Variants in HJURP observed in about 807,000 individuals in gnomAD.
HJURP encodes the protein Holliday junction recognition protein, also known as 14-3-3-associated AKT substrate.
In HJURP, 49 loss-of-function variants were observed where a neutral mutation model predicts 72.0. The observed-to-expected ratio is 0.68, with a 90% CI of 0.54 to 0.86. The LOEUF (loss-of-function observed/expected upper bound fraction) is 0.86. Ranked by LOEUF, HJURP falls within the 40% of genes least tolerant of loss-of-function variation. HJURP has a pLI of 0.00. For missense variants in HJURP, 908 were observed against 936.3 expected (o/e 0.97, Z 0.39); for synonymous variants, 357 against 347.1 (o/e 1.03, Z -0.32).
chr2:233,845,645 C>T (rs1029481015), intron 6 of HJURP, 83 bp downstream of exon 6: 54 of 887,256 alleles, frequency 6.1e-5, no homozygotes, highest in Non-Finnish European at 9.4e-5. Flanking sequence ...GTAGAAAAAA[C>T]AAAAAGCATA....
chr2:233,852,489 G>T, intron 3 of HJURP, 76 bp downstream of exon 3: 1 of 1,066,958 alleles, frequency 9.4e-7, no homozygotes, highest in Non-Finnish European at 1.5e-6. Context: ...CAGAGGTTGG[G>T]CATACCCACA....
In HJURP at chr2:233,841,408, G is replaced by A. The variant is rs1705224594; in HGVS notation, c.1372C>T (p.Leu458Phe). The A allele has an allele frequency of 6.2e-7, 1 of 1,614,052 alleles. No homozygotes were observed. The change falls in exon 8 of 9, where the codon CTC (leucine) becomes TTC (phenylalanine). Residue 458 changes from leucine (L) to phenylalanine (F), a missense_variant. Coordinates refer to ENST00000411486, the MANE Select transcript of HJURP (RefSeq NM_018410.5). ...SPRNQPRRMCLPDSWAMNMYR... is the reference protein window; with the variant it reads ...SPRNQPRRMCFPDSWAMNMYR... ...ATGTTCATGGCCCAGGAGTCCGGGA[G>A]GCACATCCGGCGAGGCTGGTTCCTG...
chr2:233,852,719 A>G (rs571979618), intron 2 of HJURP, 99 bp from the exon 3 acceptor site: 1 of 847,660 alleles, frequency 1.2e-6, no homozygotes, highest in Admixed American at 2.2e-5. Context: ...GGCAAAAAAA[A>G]GGTACAATAT....
At position 233,852,549 on chromosome 2, in the gene HJURP, AT is replaced by A. The variant is rs775120632; in HGVS notation, c.240+15del. On this transcript the variant is annotated intron_variant, in intron 3 of 8. Coordinates refer to ENST00000411486, the MANE Select transcript of HJURP (RefSeq NM_018410.5). The stretch of plus-strand genomic sequence containing the variant: ...CACAGCAAGGTTATTTGGCAATAAA[AT>A]TTGACACTAAATACCTGGATCTCTC... The A allele has an allele frequency of 2.5e-6, 4 of 1,570,042 alleles. No homozygotes were observed. The highest frequency in any genetic ancestry group is 3.5e-6 in the Non-Finnish European group (4 of 1,139,354).
In HJURP at chr2:233,837,578, T is replaced by C. The variant is rs775379336; in HGVS notation, c.2246A>G (p.Ter749TrpextTer25). ...MLEKLETKSV* is the reference protein window; with the variant it reads ...MLEKLETKSVW ...AAATAACACTCCGAAATAACCTAGC[T>C]ACACACTTTTAGTTTCCAATTTTTC... is the stretch of plus-strand genomic sequence containing the variant. Residue 749 changes from the stop codon to tryptophan, a stop_lost, in exon 9 of 9, where the codon TAG becomes TGG. Coordinates refer to ENST00000411486, the MANE Select transcript of HJURP (RefSeq NM_018410.5). 30 of 1,597,278 alleles carry C rather than the reference T, an allele frequency of 1.9e-5. No homozygotes were observed. The highest frequency in any genetic ancestry group is 1.8e-5 in the Non-Finnish European group (21 of 1,165,498).
At position 233,854,429 on chromosome 2, in the gene HJURP, G is replaced by A. The variant is rs776299104; in HGVS notation, c.72C>T (p.Ala24=). 1.9e-6 allele frequency: 3 copies of A among 1,611,288 alleles called. No individual in the cohort carries two copies. In the East Asian group the frequency reaches 6.7e-5, roughly 36 times the overall value. Residue 24 remains alanine, a synonymous_variant, in exon 1 of 9, where the codon GCC becomes GCT. Coordinates refer to ENST00000411486, the MANE Select transcript of HJURP (RefSeq NM_018410.5). Reference sequence around the variant, plus strand: ...TGCGCCTCTGGAAGCGGCGGCGACTGGCCCTGAGCTTCTGCAGCAGCTGGT... The same window carrying A: ...TGCGCCTCTGGAAGCGGCGGCGACTAGCCCTGAGCTTCTGCAGCAGCTGGT... ...EDDQLLQKLR[A]SRRRFQRRMQ...
rs760515904 is a variant in HJURP, at chr2:233,842,122, G to A, written c.658C>T (p.Pro220Ser). ...SSPREWDPLH[P>S]SSTDMALVPR... ...ACTAAGGCCATGTCTGTGGAGGAAG[G>A]ATGCAAAGGATCCCATTCTCTGGGA... is the stretch of plus-strand genomic sequence containing the variant. The change falls in exon 8 of 9, where the codon CCT (proline) becomes TCT (serine). Residue 220 changes from proline (P) to serine (S), a missense_variant. This residue lies in a region of HJURP where 299 missense variants were observed against 286.7 expected (regional missense o/e 1.04). Coordinates refer to ENST00000411486, the MANE Select transcript of HJURP (RefSeq NM_018410.5). 2 of 1,614,112 alleles carry A rather than the reference G, an allele frequency of 1.2e-6. No homozygotes were observed. The highest frequency in any genetic ancestry group is 2.2e-5 in the South Asian group (2 of 91,078).
Position 233,841,499 on chromosome 2 carries a change from T to C in HJURP, c.1281A>G (p.Gly427=). 6.2e-7 allele frequency: 1 copy of C among 1,614,220 alleles called. No homozygotes were observed. Among genetic ancestry groups the C allele is most frequent in the South Asian group, 1.1e-5 (1 of 91,080 alleles). The change falls in exon 8 of 9, where the codon GGA becomes GGG. Residue 427 remains glycine, a synonymous_variant. Transcript: ENST00000411486. ...VSRPTIRQGH[G]ENRQREIEIR... ...TTTCAATCTCCCTCTGACGGTTCTC[T>C]CCATGGCCCTGTCGTATTGTTGGTC...
At chr2:233,849,353 A>G (rs560593206) in intron 4 of HJURP, among the ~76,000 whole-genome samples, 1 of 152,264 alleles carries the variant, frequency 6.6e-6, no homozygotes, top group African/African-American at 2.4e-5. Context: ...CCTAGAAAAG[A>G]GGACAGGATG....
intron 7 of HJURP, 95 bp from the exon 8 acceptor site, chr2:233,842,300 GTT>G: frequency 9.0e-7 from 1 of 1,108,574 alleles, no homozygotes; most frequent in Non-Finnish European, 1.3e-6. Flanking sequence ...TCAGGACTAT[GTT>G]TTTTTAAGCA....
rs763441696 is a variant in HJURP, at chr2:233,841,271, G to T, written c.1509C>A (p.Asn503Lys). 6.2e-6 allele frequency: 10 copies of T among 1,614,060 alleles called. No homozygotes were observed. The South Asian group carries it at 1.1e-4, about 18-fold the overall frequency. The stretch of plus-strand genomic sequence containing the variant: ...CTGCTTCCAGAGATCTTTTGCCTAG[G>T]TTTTCAAAAGCCTCACTTAAACTTT... ...KAKSLSEAFE[N>K]LGKRSLEAGR... Residue 503 changes from asparagine (N) to lysine (K), a missense_variant, in exon 8 of 9, where the codon AAC becomes AAA. Coordinates refer to ENST00000411486, the MANE Select transcript of HJURP (RefSeq NM_018410.5).
intron 6 of HJURP, among the ~76,000 whole-genome samples, 162 bp from the exon 7 acceptor site, chr2:233,844,445 G>A (rs1382277775): frequency 6.6e-6 from 1 of 152,204 alleles, no homozygotes; most frequent in Admixed American, 6.5e-5. Flanking sequence ...CGGGCAGTGG[G>A]AAGAAAATAT....
In HJURP at chr2:233,842,057, G is replaced by A. The variant is rs749862342; in HGVS notation, c.723C>T (p.Ser241=). 2 of 1,614,232 alleles carry A rather than the reference G, an allele frequency of 1.2e-6. No homozygotes were observed. The highest frequency in any genetic ancestry group is 3.3e-5 in the Admixed American group (2 of 60,034). The change falls in exon 8 of 9, where the codon AGC becomes AGT. Residue 241 remains serine, a synonymous_variant. Transcript: ENST00000411486. ...NDSLSLQETS[S]SSFLSSQPFE... is the part of the protein sequence containing the mutation. ...AGGGCTGGCTGCTTAAGAAGCTGCTGCTACTGGTCTCTTGTAGGGAGAGGC... is the reference window on the plus strand; with the variant it reads ...AGGGCTGGCTGCTTAAGAAGCTGCTACTACTGGTCTCTTGTAGGGAGAGGC...
At chr2:233,853,056 G>A (rs1381859574) in intron 2 of HJURP, among the ~76,000 whole-genome samples, 1 of 152,182 alleles carries the variant, frequency 6.6e-6, no homozygotes, top group Non-Finnish European at 1.5e-5. Context: ...CCTGCCACTG[G>A]AATATTTTAG....
At chr2:233,844,364 T>C in intron 6 of HJURP, 81 bp from the exon 7 acceptor site, 1 of 953,056 alleles carries the variant, frequency 1.0e-6, no homozygotes, top group Non-Finnish European at 1.7e-6. Flanking sequence ...CCCCTGACGA[T>C]GCGGACTGTG....
At position 233,846,123 on chromosome 2, in the gene HJURP, CT is replaced by C. The variant is rs1219551244; in HGVS notation, c.403-304del. 4.1e-6 allele frequency: 1 copy of C among 241,532 alleles called. No homozygotes were observed. Among genetic ancestry groups the C allele is most frequent in the Non-Finnish European group, 8.0e-6 (1 of 124,644 alleles). 15.0% of individuals were successfully genotyped at this position (241,532 alleles called of 1,614,324 possible). ...CATAGGTGAGTTCAGGACTCAACTA[CT>C]GGTAATAACTTCAAACTGGTAAGTT... is the stretch of plus-strand genomic sequence containing the variant. On this transcript the variant is annotated intron_variant, in intron 5 of 8. Transcript: ENST00000411486. The surrounding 1 kb of genome is among the most constrained non-coding windows in gnomAD (Gnocchi z 4.3).
At chr2:233,853,336 A>G (rs900062533) in intron 2 of HJURP, among the ~76,000 whole-genome samples, 1 of 152,238 alleles carries the variant, frequency 6.6e-6, no homozygotes, top group Non-Finnish European at 1.5e-5. Flanking sequence ...TACATTAACT[A>G]TTAAACGGAA....
chr2:233,842,069 T>C lies in HJURP; in HGVS notation c.711A>G (p.Gln237=), dbSNP rs1705247711. ...LVPRNDSLSL[Q]ETSSSSFLSS... is the part of the protein sequence containing the mutation. ...TTAAGAAGCTGCTGCTACTGGTCTC[T>C]TGTAGGGAGAGGCTGTCATTTCTAG... Residue 237 remains glutamine (Q), a synonymous_variant, in exon 8 of 9, where the codon CAA becomes CAG. Transcript: ENST00000411486. 3 of 1,614,198 alleles carry C rather than the reference T, an allele frequency of 1.9e-6. No homozygotes were observed. The highest frequency in any genetic ancestry group is 2.5e-6 in the Non-Finnish European group (3 of 1,180,026).
intron 6 of HJURP, 89 bp from the exon 7 acceptor site, chr2:233,844,372 G>C (rs752338879): frequency 1.8e-4 from 166 of 911,086 alleles, no homozygotes; most frequent in Non-Finnish European, 2.8e-4. Flanking sequence ...GATGCGGACT[G>C]TGCATCTTAG....
Sources: gnomAD v4.1 joint callset for allele counts (sites outside exome capture counted in the v4.1 genomes callset) on GRCh38, gnomAD v4.1.1 for gene constraint, gnomAD v4.1.1 regional missense constraint, Gnocchi (gnomAD v3.1) non-coding constraint, MANE v1.5 for transcripts, NCBI Gene and HGNC (gene_info 2026-07-23, HGNC 2026-07-21) for gene names.